Variants in SAMD12 observed in about 807,000 individuals in gnomAD.
SAMD12 encodes sterile alpha motif domain-containing protein 12.
SAMD12 carries 9 observed loss-of-function variants against 15.0 expected under a neutral mutation model. That is an observed-to-expected ratio of 0.60 (90% CI 0.36 to 1.05). SAMD12 has a LOEUF of 1.05. Among genes scored for constraint, SAMD12 ranks in the 50% least tolerant of loss-of-function variants. SAMD12 has a pLI of 0.01. For missense variants in SAMD12, 230 were observed against 234.2 expected, an observed-to-expected ratio of 0.98 and a Z score of 0.12; for synonymous variants, 86 against 90.1, an observed-to-expected ratio of 0.96 and a Z score of 0.25.
chr8:118,270,194 A>C (rs1813318210), intron 4 of SAMD12, among the ~76,000 whole-genome samples: 1 of 152,164 alleles, frequency 6.6e-6, no homozygotes, highest in Non-Finnish European at 1.5e-5. Flanking sequence ...GTTCTTTCAT[A>C]TCCCTGTTAA....
At chr8:118,484,534 T>C (rs2130997894) in intron 2 of SAMD12, among the ~76,000 whole-genome samples, 1 of 152,320 alleles carries the variant, frequency 6.6e-6, no homozygotes, top group Middle Eastern at 3.4e-3. Flanking sequence ...GCATATTCTG[T>C]ATATTCTTAT....
At chr8:118,341,284 G>A (rs1270447218) in intron 4 of SAMD12, among the ~76,000 whole-genome samples, 1 of 152,142 alleles carries the variant, frequency 6.6e-6, no homozygotes, top group Non-Finnish European at 1.5e-5. Context: ...GCCAGTGTAT[G>A]CCTAGCTTAG....
chr8:118,508,601 G>A (rs1047057978), intron 2 of SAMD12, among the ~76,000 whole-genome samples: 2 of 152,168 alleles, frequency 1.3e-5, no homozygotes, highest in Non-Finnish European at 2.9e-5. Context: ...TCACCTCCAT[G>A]TCACTTGCAT....
chr8:118,161,987 C>A, the SAMD12 span, among the ~76,000 whole-genome samples: 1 of 151,604 alleles, frequency 6.6e-6, no homozygotes, highest in African/African-American at 2.4e-5. Context: ...TGGTGAAACC[C>A]CATCTCTACT....
chr8:118,572,633 T>C (rs1379938125), intron 2 of SAMD12, among the ~76,000 whole-genome samples: 1 of 152,164 alleles, frequency 6.6e-6, no homozygotes, highest in Non-Finnish European at 1.5e-5. Flanking sequence ...ACAAGCTCTC[T>C]TTGCCTGCTG....
intron 3 of SAMD12, among the ~76,000 whole-genome samples, chr8:118,411,873 A>G (rs1352483391): frequency 2.0e-5 from 3 of 152,220 alleles, no homozygotes; most frequent in East Asian, 1.9e-4. Context: ...CTCAAATGGT[A>G]TAACAACAAG....
At chr8:118,505,067 G>T (rs181559231) in intron 2 of SAMD12, among the ~76,000 whole-genome samples, 1 of 152,342 alleles carries the variant, frequency 6.6e-6, no homozygotes, top group African/African-American at 2.4e-5. Flanking sequence ...TACCCAATTT[G>T]TGATAACTTG....
intron 4 of SAMD12, among the ~76,000 whole-genome samples, chr8:118,221,818 G>A (rs1812088244): frequency 6.6e-6 from 1 of 152,200 alleles, no homozygotes; most frequent in Admixed American, 6.5e-5. Flanking sequence ...CAGAGTTGCC[G>A]TTTTTACATT....
At chr8:118,234,461 T>C (rs1244431573) in intron 4 of SAMD12, among the ~76,000 whole-genome samples, 5 of 151,980 alleles carry the variant, frequency 3.3e-5, no homozygotes, top group Admixed American at 3.3e-4. Context: ...TAATATTTAT[T>C]CACTTTGGGA....
intron 2 of SAMD12, among the ~76,000 whole-genome samples, chr8:118,543,853 T>C (rs1826052536): frequency 6.6e-6 from 1 of 152,052 alleles, no homozygotes; most frequent in African/African-American, 2.4e-5. Flanking sequence ...CACACATTTC[T>C]AGAATGGTCT....
At chr8:118,616,512 T>C (rs1828243121) in intron 1 of SAMD12, among the ~76,000 whole-genome samples, 1 of 152,250 alleles carries the variant, frequency 6.6e-6, no homozygotes, top group Non-Finnish European at 1.5e-5. Context: ...TCTTGTGTTC[T>C]ATGAAGGGAA....
At chr8:118,581,000 G>A in intron 1 of SAMD12, 107 bp from the exon 2 acceptor site, 1 of 747,630 alleles carries the variant, frequency 1.3e-6, no homozygotes, top group Non-Finnish European at 2.1e-6. Context: ...AGGCATCTAT[G>A]AGTCGAGAGG....
rs1054146943 is a variant in SAMD12 at position 118,501,623 on chromosome 8, C to T, written c.193-61662G>A. Among the ~76,000 whole-genome samples, 9 of 152,230 alleles carry T rather than the reference C, an allele frequency of 5.9e-5. 1 individual carries two copies. In the East Asian group the frequency reaches 1.5e-3, roughly 26 times the overall value. On this transcript the variant is annotated intron_variant, in intron 2 of 3. Coordinates refer to ENST00000314727, the MANE Select transcript of SAMD12 (RefSeq NM_207506.3). ...ACCACATATGATGATGGGTTAGTCC[C>T]GTAGACTGCAAGTATATTAGCAGAG...
intron 2 of SAMD12, among the ~76,000 whole-genome samples, chr8:118,536,742 T>C (rs1000068601): frequency 2.6e-5 from 4 of 152,168 alleles, no homozygotes; most frequent in African/African-American, 9.7e-5. Flanking sequence ...TATTGAAAAG[T>C]TGTTGTAGTT....
At chr8:118,358,408 C>G (rs1818333457) in intron 4 of SAMD12, among the ~76,000 whole-genome samples, 1 of 152,164 alleles carries the variant, frequency 6.6e-6, no homozygotes. Context: ...GGTAACCACT[C>G]TTTCAAATCG....
intron 4 of SAMD12, among the ~76,000 whole-genome samples, chr8:118,248,012 A>G (rs1812736499): frequency 6.6e-6 from 1 of 152,148 alleles, no homozygotes. Flanking sequence ...CACATACAAC[A>G]GGGATAAAGA....
chr8:118,616,468 C>T (rs1399441030), intron 1 of SAMD12, among the ~76,000 whole-genome samples: 1 of 152,196 alleles, frequency 6.6e-6, no homozygotes, highest in Non-Finnish European at 1.5e-5. Flanking sequence ...GGTGAGCTAG[C>T]ACCAAGAGAA....
intron 4 of SAMD12, among the ~76,000 whole-genome samples, chr8:118,358,726 G>T (rs1563792396): frequency 6.6e-6 from 1 of 152,110 alleles, no homozygotes; most frequent in Non-Finnish European, 1.5e-5. Flanking sequence ...TAAATGACAG[G>T]AAGAGAGGCC....
At chr8:118,273,365 G>C (rs1293916387) in intron 4 of SAMD12, among the ~76,000 whole-genome samples, 2 of 152,168 alleles carry the variant, frequency 1.3e-5, no homozygotes, top group Non-Finnish European at 2.9e-5. Flanking sequence ...ATGGCACATG[G>C]AGATTATGGG....
Sources: gnomAD v4.1 joint callset for allele counts (sites outside exome capture counted in the v4.1 genomes callset) on GRCh38, gnomAD v4.1.1 for gene constraint, MANE v1.5 for transcripts, NCBI Gene and HGNC (gene_info 2026-07-23, HGNC 2026-07-21) for gene names.